RSPRY1: variants seen among roughly 807,000 people sequenced by gnomAD.
The protein encoded by RSPRY1 is ring finger and SPRY domain containing 1.
In RSPRY1, 23 loss-of-function variants were observed where a neutral mutation model predicts 73.1. The ratio of observed to expected loss-of-function variants is 0.31; its 90% confidence interval spans 0.23 to 0.45. RSPRY1 has a LOEUF of 0.45. Among genes scored for constraint, RSPRY1 ranks in the 20% least tolerant of loss-of-function variants. The probability of loss-of-function intolerance (pLI) is 1.00; values close to 1 mark genes in which losing one functional copy is unlikely to be tolerated. For missense variants in RSPRY1, 448 were observed against 698.7 expected, an observed-to-expected ratio of 0.64 and a Z score of 4.05; for synonymous variants, 226 against 251.4, an observed-to-expected ratio of 0.90 and a Z score of 0.95.
intron 6 of RSPRY1, 52 bp downstream of exon 6, chr16:57,213,998 A>G (rs771628498): frequency 8.3e-7 from 1 of 1,208,886 alleles, no homozygotes; most frequent in Non-Finnish European, 1.2e-6. Context: ...AGTGGGCATC[A>G]TCTAGAACTG....
Position 57,220,854 on chromosome 16 carries a change from A to G in RSPRY1, c.1017+7A>G. On this transcript the variant is annotated splice_region_variant and intron_variant, in intron 9 of 14. Transcript: ENST00000394420. ...CTCACCTCATGGCTTAGAGGTAGGTAATGCTTCTACAGTTGGACCCTTTGG... is the reference window on the plus strand; with the variant it reads ...CTCACCTCATGGCTTAGAGGTAGGTGATGCTTCTACAGTTGGACCCTTTGG... The G allele has an allele frequency of 6.3e-7, 1 of 1,578,484 alleles. No homozygotes were observed. Among genetic ancestry groups the G allele is most frequent in the Non-Finnish European group, 8.7e-7 (1 of 1,147,522 alleles).
intron 13 of RSPRY1, among the ~76,000 whole-genome samples, chr16:57,232,532 A>G (rs144743054): frequency 1.1e-3 from 163 of 152,276 alleles, no homozygotes; most frequent in African/African-American, 3.7e-3. Flanking sequence ...TCCCTTATCT[A>G]TCATACCCCG....
At chr16:57,237,203 G>A (rs1351396240) in intron 14 of RSPRY1, among the ~76,000 whole-genome samples, 2 of 152,120 alleles carry the variant, frequency 1.3e-5, no homozygotes, top group Non-Finnish European at 2.9e-5. Flanking sequence ...GAGTACAGTG[G>A]TGTGATCTCA....
chr16:57,238,739 A>G, intron 14 of RSPRY1, 140 bp from the exon 15 acceptor site: 1 of 521,898 alleles, frequency 1.9e-6, no homozygotes, highest in South Asian at 3.0e-5. Flanking sequence ...TTATTTACAT[A>G]TTCATTTTTT....
At chr16:57,219,185 A>AT (rs2074994706) in intron 8 of RSPRY1, among the ~76,000 whole-genome samples, 1 of 152,210 alleles carries the variant, frequency 6.6e-6, no homozygotes, top group Non-Finnish European at 1.5e-5. Context: ...TAGCAGCAGA[A>AT]TTGCCGGATC....
intron 14 of RSPRY1, among the ~76,000 whole-genome samples, chr16:57,236,844 T>A (rs2075307135): frequency 6.6e-6 from 1 of 151,796 alleles, no homozygotes; most frequent in Admixed American, 6.6e-5. Flanking sequence ...CAGGGGGAGT[T>A]ATCTTAGGAA....
In RSPRY1 at chr16:57,240,308, T is replaced by A. The variant is rs2075358358; in HGVS notation, c.*1333T>A. On this transcript the variant is annotated 3_prime_UTR_variant, in exon 15 of 15. Coordinates refer to ENST00000394420, the MANE Select transcript of RSPRY1 (RefSeq NM_133368.3). ...TGGCTGTACATGTTGGGGTGCTGGA[T>A]TTTTTTCCGTGTCTTTAGTCTTCCA... 2 of 149,406 alleles carry A rather than the reference T, an allele frequency of 1.3e-5. No individual in the cohort carries two copies. The highest frequency in any genetic ancestry group is 2.6e-5 in the African/African-American group (1 of 39,170). 9.3% of individuals were successfully genotyped at this position (149,406 alleles called of 1,614,324 possible).
chr16:57,186,208 G>T (rs540760198), upstream of RSPRY1: 12 of 978,970 alleles, frequency 1.2e-5, no homozygotes, highest in East Asian at 3.4e-4. Flanking sequence ...GGCCGGTCCC[G>T]CTGATCACGT....
At chr16:57,211,589 G>T (rs752649920) in intron 4 of RSPRY1, among the ~76,000 whole-genome samples, 3 of 152,024 alleles carry the variant, frequency 2.0e-5, no homozygotes, top group Admixed American at 6.6e-5. Flanking sequence ...ACAAAAAAAA[G>T]TTAAAACTGA....
At chr16:57,228,494 A>C (rs1210499223) in intron 11 of RSPRY1, among the ~76,000 whole-genome samples, 2 of 152,036 alleles carry the variant, frequency 1.3e-5, no homozygotes, top group Non-Finnish European at 2.9e-5. Context: ...TTTAATAAGA[A>C]TTTTTTAAAG....
chr16:57,231,000 A>G (rs1244023205), intron 12 of RSPRY1, among the ~76,000 whole-genome samples, 167 bp from the exon 13 acceptor site: 1 of 152,224 alleles, frequency 6.6e-6, no homozygotes, highest in Non-Finnish European at 1.5e-5. Flanking sequence ...GATAAGGCAG[A>G]ATATTCTCTA....
chr16:57,201,920 C>T (rs1161267261), intron 1 of RSPRY1, among the ~76,000 whole-genome samples: 3 of 152,112 alleles, frequency 2.0e-5, no homozygotes, highest in African/African-American at 7.2e-5. Flanking sequence ...TACAGTCCAG[C>T]TTTGGCTTGG....
Position 57,231,457 on chromosome 16 carries a change from T to C in RSPRY1, c.1529+138T>C, listed in dbSNP as rs2075218725. On this transcript the variant is annotated intron_variant, in intron 13 of 14. Transcript: ENST00000394420. Reference sequence around the variant, plus strand: ...AAAATGGATGACTTTTCAGGAAATATAAATTTCTAAGATCGCAGAAGAAAT... The same window carrying C: ...AAAATGGATGACTTTTCAGGAAATACAAATTTCTAAGATCGCAGAAGAAAT... 7 of 831,236 alleles carry C rather than the reference T, an allele frequency of 8.4e-6. No individual in the cohort carries two copies. The South Asian group carries it at 1.2e-4, about 14-fold the overall frequency. 51.5% of individuals were successfully genotyped at this position (831,236 alleles called of 1,614,324 possible). A position where few individuals can be genotyped will look rare whatever the true frequency, so the allele number is the denominator to read the frequency against.
At chr16:57,214,567 G>A (rs715040) in intron 6 of RSPRY1, among the ~76,000 whole-genome samples, 34 of 152,238 alleles carry the variant, frequency 2.2e-4, no homozygotes, top group Admixed American at 3.9e-4. Flanking sequence ...CCACTGATAC[G>A]TGCTTAAAAC....
At chr16:57,236,889 G>A (rs1199400987) in intron 14 of RSPRY1, among the ~76,000 whole-genome samples, 1 of 152,148 alleles carries the variant, frequency 6.6e-6, no homozygotes, top group Non-Finnish European at 1.5e-5. Flanking sequence ...ATCTTAGGCT[G>A]GGCACGGTGG....
At chr16:57,189,399 A>G (rs550910724) in intron 1 of RSPRY1, among the ~76,000 whole-genome samples, 2 of 151,886 alleles carry the variant, frequency 1.3e-5, no homozygotes, top group Admixed American at 1.3e-4. Context: ...AGTAAGTATC[A>G]AAGGGAAATA....
At chr16:57,207,107 A>G (rs1404033941) in intron 2 of RSPRY1, among the ~76,000 whole-genome samples, 3 of 152,224 alleles carry the variant, frequency 2.0e-5, no homozygotes, top group African/African-American at 4.8e-5. Context: ...GCAAATATGC[A>G]TTGATTTTTG....
At chr16:57,203,872 A>G (rs2074672778) in intron 1 of RSPRY1, among the ~76,000 whole-genome samples, 1 of 152,246 alleles carries the variant, frequency 6.6e-6, no homozygotes, top group Non-Finnish European at 1.5e-5. Flanking sequence ...CTTTCCCAAA[A>G]CAAAGCCTTG....
At chr16:57,206,257 T>A (rs1247363463) in intron 2 of RSPRY1, among the ~76,000 whole-genome samples, 1 of 152,040 alleles carries the variant, frequency 6.6e-6, no homozygotes, top group African/African-American at 2.4e-5. Flanking sequence ...AATTTAAAAA[T>A]TATCCAGGTA....
Sources: gnomAD v4.1 joint callset for allele counts (sites outside exome capture counted in the v4.1 genomes callset) on GRCh38, gnomAD v4.1.1 for gene constraint, MANE v1.5 for transcripts, NCBI Gene and HGNC (gene_info 2026-07-23, HGNC 2026-07-21) for gene names.